PCSK9: variants seen among roughly 807,000 people sequenced by gnomAD.
PCSK9 encodes convertase subtilisin/kexin type 9 preproprotein.
In PCSK9, 57 loss-of-function variants were observed where a neutral mutation model predicts 62.1. That is an observed-to-expected ratio of 0.92 (90% CI 0.74 to 1.14). PCSK9 has a LOEUF of 1.14. PCSK9 is among the 50% of genes most tolerant of loss of function. PCSK9 has a pLI of 0.00. For missense variants in PCSK9, 870 were observed against 959.8 expected, an observed-to-expected ratio of 0.91 and a Z score of 1.24; for synonymous variants, 387 against 409.4, an observed-to-expected ratio of 0.95 and a Z score of 0.66.
At position 55,057,493 on chromosome 1, in the gene PCSK9, C is replaced by T. The variant is rs1334564489; in HGVS notation, c.1159C>T (p.Gln387Ter). 3 of 1,612,914 alleles carry T rather than the reference C, an allele frequency of 1.9e-6. No homozygotes were observed. Among genetic ancestry groups the T allele is most frequent in the East Asian group, 2.2e-5 (1 of 44,876 alleles). ...TCFVSQSGTS[Q>*]AAAHVAGIAA... ...CTTTGTGTCACAGAGTGGGACATCA[C>T]AGGCTGCTGCCCACGTGGCTGGTAA... Residue 387 changes from glutamine (Q) to a stop codon, truncating the protein, a stop_gained, in exon 7 of 12, where the codon CAG becomes TAG. Transcript: ENST00000302118. LOFTEE classifies it high-confidence loss of function.
intron 7 of PCSK9, 24 bp downstream of exon 7, chr1:55,057,538 G>A (rs748770467): frequency 2.3e-5 from 37 of 1,593,456 alleles, no homozygotes; most frequent in African/African-American, 5.4e-5. Flanking sequence ...CCACTGCCTC[G>A]GCCACCGTGA....
Position 55,039,988 on chromosome 1 carries a change from G to A in PCSK9, c.151G>A (p.Gly51Ser), listed in dbSNP as rs1346757467. Residue 51 changes from glycine (G) to serine (S), a missense_variant, in exon 1 of 12, where the codon GGC (glycine) becomes AGC (serine). By Grantham distance (56) the Gly-to-Ser change is moderately conservative. Coordinates refer to ENST00000302118, the MANE Select transcript of PCSK9 (RefSeq NM_174936.4). ...GCTAGCCTTGCGTTCCGAGGAGGACGGCCTGGCCGAAGCACCCGAGCACGG... is the reference window on the plus strand; with the variant it reads ...GCTAGCCTTGCGTTCCGAGGAGGACAGCCTGGCCGAAGCACCCGAGCACGG... ...LVLALRSEED[G>S]LAEAPEHGTT... is the part of the protein sequence containing the mutation. 5 of 1,580,628 alleles carry A rather than the reference G, an allele frequency of 3.2e-6. No individual in the cohort carries two copies. Among genetic ancestry groups the A allele is most frequent in the South Asian group, 1.2e-5 (1 of 86,148 alleles).
chr1:55,045,374 T>G (rs1644626074), intron 2 of PCSK9, among the ~76,000 whole-genome samples: 1 of 152,190 alleles, frequency 6.6e-6, no homozygotes, highest in Non-Finnish European at 1.5e-5. Flanking sequence ...CATTCCTCTA[T>G]CTGTAAACCA....
At chr1:55,048,088 C>T (rs1047536016) in intron 3 of PCSK9, among the ~76,000 whole-genome samples, 1 of 152,220 alleles carries the variant, frequency 6.6e-6, no homozygotes, top group African/African-American at 2.4e-5. Context: ...TGATTCTCTG[C>T]AGTCCTGGAG....
At chr1:55,041,454 A>G (rs1438698419) in intron 1 of PCSK9, among the ~76,000 whole-genome samples, 3 of 152,170 alleles carry the variant, frequency 2.0e-5, no homozygotes, top group Non-Finnish European at 4.4e-5. Flanking sequence ...CTGTTCTGGA[A>G]ATAGTGAGTA....
intron 7 of PCSK9, 57 bp from the exon 8 acceptor site, chr1:55,057,979 C>A (rs1030584968): frequency 2.5e-6 from 4 of 1,606,634 alleles, no homozygotes. Context: ...CAGGAGTCCC[C>A]TGCTGGGGCA....
In PCSK9 at chr1:55,063,651, G is replaced by A. The variant is rs764673359; in HGVS notation, c.*67G>A. The stretch of plus-strand genomic sequence containing the variant: ...TGGGGCTGAGCTTTAAAATGGTTCC[G>A]ACTTGTCCCTCTCTCAGCCCTCCAT... On this transcript the variant is annotated 3_prime_UTR_variant, in exon 12 of 12. Coordinates refer to ENST00000302118, the MANE Select transcript of PCSK9 (RefSeq NM_174936.4). The A allele has an allele frequency of 7.3e-6, 11 of 1,509,936 alleles. No homozygotes were observed. In the East Asian group the frequency reaches 1.7e-4, roughly 23 times the overall value. 93.5% of individuals were successfully genotyped at this position (1,509,936 alleles called of 1,614,324 possible).
chr1:55,045,176 C>T (rs755549792), intron 2 of PCSK9, among the ~76,000 whole-genome samples: 2 of 152,090 alleles, frequency 1.3e-5, no homozygotes, highest in South Asian at 2.1e-4. Flanking sequence ...ATGACAGGCA[C>T]GAGCCCCACA....
chr1:55,060,479 G>A (rs2100333997), intron 10 of PCSK9, among the ~76,000 whole-genome samples: 1 of 152,326 alleles, frequency 6.6e-6, no homozygotes, highest in Non-Finnish European at 1.5e-5. Flanking sequence ...CAGCAGGCTG[G>A]CATGTAGGAT....
At chr1:55,056,862 T>C (rs1396602332) in intron 6 of PCSK9, among the ~76,000 whole-genome samples, 2 of 152,118 alleles carry the variant, frequency 1.3e-5, no homozygotes, top group East Asian at 3.9e-4. Context: ...AGTCTGTGTG[T>C]GTGCGTGCGC....
rs1235101437 is a variant in PCSK9 at position 55,063,508 on chromosome 1, G to T, written c.2003G>T (p.Ser668Ile). ...SRDVSTTGST[S>I]EGAVTAVAIC... The stretch of plus-strand genomic sequence containing the variant: ...GACGTCAGCACTACAGGCAGCACCA[G>T]CGAAGGGGCCGTGACAGCCGTTGCC... Residue 668 changes from serine (S) to isoleucine (I), a missense_variant, in exon 12 of 12, where the codon AGC (serine) becomes ATC (isoleucine). Physicochemically the swap from Ser to Ile is moderately radical, Grantham distance 142. Coordinates refer to ENST00000302118, the MANE Select transcript of PCSK9 (RefSeq NM_174936.4). 2.5e-6 allele frequency: 4 copies of T among 1,613,830 alleles called. No individual in the cohort carries two copies. Among genetic ancestry groups the T allele is most frequent in the Non-Finnish European group, 3.4e-6 (4 of 1,179,892 alleles).
At chr1:55,054,833 G>A (rs1403745956) in intron 5 of PCSK9, among the ~76,000 whole-genome samples, 2 of 152,106 alleles carry the variant, frequency 1.3e-5, no homozygotes, top group Admixed American at 6.5e-5. Context: ...GTGAAGCCCC[G>A]TCTCTACTAA....
At chr1:55,048,288 C>T (rs1156952449) in intron 3 of PCSK9, among the ~76,000 whole-genome samples, 2 of 152,224 alleles carry the variant, frequency 1.3e-5, no homozygotes, top group African/African-American at 2.4e-5. Context: ...ATTTAGGGCC[C>T]ACTGGATCCT....
chr1:55,063,609 TG>T lies in PCSK9; in HGVS notation c.*29del. On this transcript the variant is annotated 3_prime_UTR_variant, in exon 12 of 12. Transcript: ENST00000302118. Reference sequence around the variant, plus strand: ...ACAGCCCCATCCCAGGATGGGTGTCTGGGGAGGGTCAAGGGCTGGGGCTGAG... The same window carrying T: ...ACAGCCCCATCCCAGGATGGGTGTCTGGGAGGGTCAAGGGCTGGGGCTGAG... 6.2e-7 allele frequency: 1 copy of T among 1,606,576 alleles called. No homozygotes were observed. Among genetic ancestry groups the T allele is most frequent in the Non-Finnish European group, 8.5e-7 (1 of 1,177,270 alleles).
At chr1:55,043,701 C>A in intron 1 of PCSK9, 142 bp from the exon 2 acceptor site, 1 of 976,122 alleles carries the variant, frequency 1.0e-6, no homozygotes. Flanking sequence ...GCTTTTTGGT[C>A]CGCATTTGGT....
At chr1:55,051,305 T>A (rs748702562) in intron 3 of PCSK9, 27 of 422,768 alleles carry the variant, frequency 6.4e-5, no homozygotes, top group South Asian at 4.4e-4. Context: ...AGGGCTGCCC[T>A]CTGATTCCAC....
rs760180148 is a variant in PCSK9, at chr1:55,044,015, G to C, written c.380G>C (p.Ser127Thr). 2.5e-6 allele frequency: 4 copies of C among 1,614,222 alleles called. No homozygotes were observed. Among genetic ancestry groups the C allele is most frequent in the Non-Finnish European group, 3.4e-6 (4 of 1,180,052 alleles). The change falls in exon 2 of 12, where the codon AGT becomes ACT. Residue 127 changes from serine to threonine, a missense_variant. Physicochemically the swap from Ser to Thr is moderately conservative, Grantham distance 58. Transcript: ENST00000302118. Reference sequence around the variant, plus strand: ...CTTCCTGGCTTCCTGGTGAAGATGAGTGGCGACCTGCTGGAGCTGGTGAGC... The same window carrying C: ...CTTCCTGGCTTCCTGGTGAAGATGACTGGCGACCTGCTGGAGCTGGTGAGC... ...GLLPGFLVKMSGDLLELALKL... is the reference protein window; with the variant it reads ...GLLPGFLVKMTGDLLELALKL...
chr1:55,047,099 C>T (rs187840234), intron 3 of PCSK9, among the ~76,000 whole-genome samples: 1 of 152,300 alleles, frequency 6.6e-6, no homozygotes, highest in East Asian at 1.9e-4. Context: ...GCCTCCAGCT[C>T]CGTTTGGCTT....
chr1:55,057,539 G>C, intron 7 of PCSK9, 25 bp downstream of exon 7: 1 of 1,592,920 alleles, frequency 6.3e-7, no homozygotes, highest in East Asian at 2.3e-5. Context: ...CACTGCCTCG[G>C]CCACCGTGAT....
Sources: allele counts gnomAD v4.1 joint callset (sites outside exome capture counted in the v4.1 genomes callset), GRCh38; gene constraint gnomAD v4.1.1; transcripts MANE v1.5; gene names NCBI Gene and HGNC (gene_info 2026-07-23, HGNC 2026-07-21).